RNF220: variants seen among roughly 807,000 people sequenced by gnomAD.
The protein encoded by RNF220 is E3 ubiquitin-protein ligase RNF220.
Under a neutral mutation model 67.1 loss-of-function variants are expected in RNF220, and 7 were observed. The observed-to-expected ratio is 0.10, with a 90% CI of 0.06 to 0.20. RNF220 has a LOEUF of 0.20. RNF220 is among the 10% of genes least tolerant of loss of function. RNF220 has a pLI of 1.00. For missense variants in RNF220, 565 were observed against 740.3 expected (o/e 0.76, Z 2.75); for synonymous variants, 270 against 283.2 (o/e 0.95, Z 0.47).
intron 2 of RNF220, among the ~76,000 whole-genome samples, chr1:44,574,863 G>GT (rs5773842): frequency 0.025 from 3,690 of 149,998 alleles, 144 homozygotes; most frequent in African/African-American, 0.086. Context: ...TTGCATTTGT[G>GT]TTTTTTTTTT....
chr1:44,538,333 C>T (rs1049767697), intron 2 of RNF220, among the ~76,000 whole-genome samples: 2 of 152,012 alleles, frequency 1.3e-5, no homozygotes, highest in African/African-American at 2.4e-5. Flanking sequence ...TTTTTAATCC[C>T]TGCCCCTTCT....
chr1:44,566,832 G>T (rs1664059632), intron 2 of RNF220, among the ~76,000 whole-genome samples: 1 of 152,164 alleles, frequency 6.6e-6, no homozygotes, highest in Admixed American at 6.5e-5. Context: ...AGTGACCTGT[G>T]GTCAAGAGGT....
Position 44,642,556 on chromosome 1 carries a change from G to T in RNF220, c.1127-2142G>T, listed in dbSNP as rs148010276. ...TGCGGAGGCATGGGGGCATGAGAAAGCACAGGATTTGGGAGACCACAGTAG... is the reference window on the plus strand; with the variant it reads ...TGCGGAGGCATGGGGGCATGAGAAATCACAGGATTTGGGAGACCACAGTAG... On this transcript the variant is annotated intron_variant, in intron 8 of 14. Coordinates refer to ENST00000361799, the MANE Select transcript of RNF220 (RefSeq NM_018150.4). Among the ~76,000 whole-genome samples the T allele has an allele frequency of 5.3e-3, 809 of 152,300 alleles. 7 individuals carry two copies. The highest frequency in any genetic ancestry group is 0.019 in the African/African-American group (774 of 41,572).
At position 44,624,617 on chromosome 1, in the gene RNF220, G is replaced by T. The variant is rs138224069; in HGVS notation, c.805-1680G>T. Among the ~76,000 whole-genome samples the T allele has an allele frequency of 5.9e-4, 90 of 152,176 alleles. No individual in the cohort carries two copies. The highest frequency in any genetic ancestry group is 1.4e-3 in the African/African-American group (58 of 41,522). On this transcript the variant is annotated intron_variant, in intron 4 of 14. Coordinates refer to ENST00000361799, the MANE Select transcript of RNF220 (RefSeq NM_018150.4). The surrounding 1 kb of genome is among the most constrained non-coding windows in gnomAD (Gnocchi z 4.2). ...GACCTAGGCTTTAGGGAAGCAGGTCGTGAGTGGAAGAGGCGAGAGAGAGAA... is the reference window on the plus strand; with the variant it reads ...GACCTAGGCTTTAGGGAAGCAGGTCTTGAGTGGAAGAGGCGAGAGAGAGAA...
intron 2 of RNF220, among the ~76,000 whole-genome samples, chr1:44,539,695 C>G (rs1298195501): frequency 6.6e-6 from 1 of 152,186 alleles, no homozygotes; most frequent in Non-Finnish European, 1.5e-5. Flanking sequence ...TTACTAAGCT[C>G]TCCCCAAAAT....
intron 2 of RNF220, among the ~76,000 whole-genome samples, chr1:44,496,963 T>C (rs1657398153): frequency 6.6e-6 from 1 of 152,172 alleles, no homozygotes; most frequent in African/African-American, 2.4e-5. Flanking sequence ...AAAACTGTGC[T>C]GCCTGCCTCC....
chr1:44,646,403 A>G (rs1420408907), intron 12 of RNF220, among the ~76,000 whole-genome samples: 1 of 152,220 alleles, frequency 6.6e-6, no homozygotes, highest in Admixed American at 6.5e-5. Flanking sequence ...GGCATGATGT[A>G]TGGGCCGCGG....
chr1:44,616,954 T>A (rs992142780), intron 3 of RNF220, among the ~76,000 whole-genome samples: 3 of 152,104 alleles, frequency 2.0e-5, no homozygotes, highest in African/African-American at 7.2e-5. Flanking sequence ...CCCATGACTC[T>A]GCACAACCCC....
Position 44,417,996 on chromosome 1 carries a change from C to A in RNF220, c.625+5274C>A, listed in dbSNP as rs1444896525. On this transcript the variant is annotated intron_variant, in intron 2 of 14. Coordinates refer to ENST00000361799, the MANE Select transcript of RNF220 (RefSeq NM_018150.4). The surrounding 1 kb of genome is among the most constrained non-coding windows in gnomAD (Gnocchi z 4.0). ...GCCGCACACACGAGGGCCCGTCGCG[C>A]CCCCCGCCCTGCCCCGCCTCGCCCT... is the stretch of plus-strand genomic sequence containing the variant. Among the ~76,000 whole-genome samples, 1 of 151,992 alleles carries A rather than the reference C, an allele frequency of 6.6e-6. No homozygotes were observed. The highest frequency in any genetic ancestry group is 1.5e-5 in the Non-Finnish European group (1 of 67,960).
At chr1:44,620,904 T>C (rs76098538) in intron 3 of RNF220, among the ~76,000 whole-genome samples, 1 of 151,684 alleles carries the variant, frequency 6.6e-6, no homozygotes, top group Non-Finnish European at 1.5e-5. Flanking sequence ...TGTGTGGCTG[T>C]TGTGAATCTT....
At position 44,649,834 on chromosome 1, in the gene RNF220, A is replaced by G; in HGVS notation, c.1555-49A>G. 2.5e-6 allele frequency: 4 copies of G among 1,613,454 alleles called. No homozygotes were observed. Among genetic ancestry groups the G allele is most frequent in the Non-Finnish European group, 3.4e-6 (4 of 1,179,538 alleles). ...TCCACGCCCTCTGGGGGAGTTGGAG[A>G]GGGTGGGCCTACCTCAGAGTGACCC... is the stretch of plus-strand genomic sequence containing the variant. On this transcript the variant is annotated intron_variant, in intron 13 of 14. Transcript: ENST00000361799. The surrounding 1 kb of genome is among the most constrained non-coding windows in gnomAD (Gnocchi z 5.9).
At chr1:44,626,456 GA>G (rs1178244042) in intron 5 of RNF220, 58 bp downstream of exon 5, 6 of 1,352,864 alleles carry the variant, frequency 4.4e-6, no homozygotes, top group Non-Finnish European at 6.3e-6. Context: ...AGGGCTTCAA[GA>G]GCCTGCCCGG....
chr1:44,611,756 G>A (rs375501836), intron 2 of RNF220, among the ~76,000 whole-genome samples: 4 of 151,772 alleles, frequency 2.6e-5, no homozygotes, highest in Non-Finnish European at 4.4e-5. Context: ...TGTTCTCCTC[G>A]AGGCCAAGGA....
chr1:44,465,835 A>G (rs1654225602), intron 2 of RNF220, among the ~76,000 whole-genome samples: 1 of 152,328 alleles, frequency 6.6e-6, no homozygotes, highest in Admixed American at 6.5e-5. Flanking sequence ...CATTGCTTAA[A>G]AATGCTAATG....
intron 2 of RNF220, among the ~76,000 whole-genome samples, chr1:44,584,153 A>G (rs566751687): frequency 3.3e-5 from 5 of 152,222 alleles, no homozygotes; most frequent in Admixed American, 6.5e-5. Flanking sequence ...CGAGCAGCCC[A>G]GGCTGCTCAC....
intron 2 of RNF220, among the ~76,000 whole-genome samples, chr1:44,571,386 G>C (rs1227526521): frequency 6.6e-6 from 1 of 152,132 alleles, no homozygotes; most frequent in Admixed American, 6.5e-5. Context: ...CTTCAGAGAG[G>C]CCTTTCCTGG....
chr1:44,506,516 G>A (rs1658441207), intron 2 of RNF220, among the ~76,000 whole-genome samples: 1 of 152,228 alleles, frequency 6.6e-6, no homozygotes, highest in African/African-American at 2.4e-5. Context: ...TGCCAGAAGT[G>A]GATCCTCCTG....
chr1:44,411,945 C>A, intron 1 of RNF220, 36 bp from the exon 2 acceptor site: 2 of 802,242 alleles, frequency 2.5e-6, no homozygotes, highest in East Asian at 2.9e-5. Flanking sequence ...CCTGACTTTC[C>A]TCCCCCTTCT....
At chr1:44,550,800 A>G (rs139909244) in intron 2 of RNF220, among the ~76,000 whole-genome samples, 2 of 152,102 alleles carry the variant, frequency 1.3e-5, no homozygotes, top group African/African-American at 4.8e-5. Flanking sequence ...CTCAGTGGAG[A>G]TGCTCAGGGC....
Sources: gnomAD v4.1 joint callset for allele counts (sites outside exome capture counted in the v4.1 genomes callset) on GRCh38, gnomAD v4.1.1 for gene constraint, Gnocchi (gnomAD v3.1) non-coding constraint, MANE v1.5 for transcripts, NCBI Gene and HGNC (gene_info 2026-07-23, HGNC 2026-07-21) for gene names.